Variants in ENOX1 observed in about 807,000 individuals in gnomAD.
ENOX1 encodes ecto-NOX disulfide-thiol exchanger 1, also known as candidate growth-related and time keeping constitutive hydroquinone (NADH) oxidase.
In ENOX1, 42 loss-of-function variants were observed where a neutral mutation model predicts 82.5. The observed-to-expected ratio is 0.51, with a 90% CI of 0.40 to 0.66. ENOX1 has a LOEUF of 0.66. Among genes scored for constraint, ENOX1 ranks in the 30% least tolerant of loss-of-function variants. ENOX1 has a pLI of 0.00. For missense variants in ENOX1, 608 were observed against 811.6 expected, an observed-to-expected ratio of 0.75 and a Z score of 3.05; for synonymous variants, 271 against 282.2, an observed-to-expected ratio of 0.96 and a Z score of 0.40.
At chr13:43,259,763 C>T (rs1387541090) in intron 14 of ENOX1, among the ~76,000 whole-genome samples, 5 of 152,132 alleles carry the variant, frequency 3.3e-5, no homozygotes, top group South Asian at 2.1e-4. Flanking sequence ...TGTGAGCCAC[C>T]GTGCCCGGCC....
At chr13:43,467,114 A>G (rs1438743863) in intron 3 of ENOX1, among the ~76,000 whole-genome samples, 2 of 152,178 alleles carry the variant, frequency 1.3e-5, no homozygotes, top group African/African-American at 4.8e-5. Flanking sequence ...GTGTGAATGT[A>G]TGTTTTCAGT....
At chr13:43,366,466 C>CA (rs2050857207) in intron 5 of ENOX1, among the ~76,000 whole-genome samples, 1 of 152,092 alleles carries the variant, frequency 6.6e-6, no homozygotes, top group Admixed American at 6.6e-5. Context: ...TTAGTAGAGA[C>CA]GGGGTTTCAC....
At chr13:43,428,825 C>A (rs2055484959) in intron 3 of ENOX1, among the ~76,000 whole-genome samples, 1 of 152,092 alleles carries the variant, frequency 6.6e-6, no homozygotes, top group South Asian at 2.1e-4. Flanking sequence ...GTGGGTAAAG[C>A]CACAAGCTGG....
chr13:43,446,535 T>C lies in ENOX1; in HGVS notation c.-74-33547A>G, dbSNP rs372409090. On this transcript the variant is annotated intron_variant, in intron 3 of 16. Transcript: ENST00000690772. ...CTTAAATGCCTACTGGGCTGATGGC[T>C]CTAACTCACCCGCTTGTTAACCTGC... Among the ~76,000 whole-genome samples, 3 of 152,174 alleles carry C rather than the reference T, an allele frequency of 2.0e-5. No individual in the cohort carries two copies. In the South Asian group the frequency reaches 6.2e-4, roughly 32 times the overall value.
At chr13:43,654,271 T>C (rs1342654042) in intron 2 of ENOX1, among the ~76,000 whole-genome samples, 2 of 152,198 alleles carry the variant, frequency 1.3e-5, no homozygotes, top group Non-Finnish European at 2.9e-5. Flanking sequence ...CCTAAGTTTC[T>C]AGCCTGCTAA....
At chr13:43,752,052 G>T (rs1019879812) in intron 1 of ENOX1, among the ~76,000 whole-genome samples, 1 of 152,084 alleles carries the variant, frequency 6.6e-6, no homozygotes, top group African/African-American at 2.4e-5. Context: ...GATATGGTTT[G>T]TTGCTTTAAT....
intron 2 of ENOX1, among the ~76,000 whole-genome samples, chr13:43,500,436 T>G (rs913138383): frequency 2.6e-5 from 4 of 152,076 alleles, no homozygotes; most frequent in African/African-American, 9.7e-5. Context: ...ATATTCAAAG[T>G]GCTGAAAGAG....
rs1458659391 is a variant in ENOX1 at position 43,467,507 on chromosome 13, T to TTTTAAAATTTTAAAA, written c.-75+16487_-75+16501dup. ...TAGTATCTTCTTTGGACAAATGTTA[T>TTTTAAAATTTTAAAA]TTTAAAATTTTAAAATTTTAAATTT... On this transcript the variant is annotated intron_variant, in intron 3 of 16. Transcript: ENST00000690772. Among the ~76,000 whole-genome samples the TTTTAAAATTTTAAAA allele has an allele frequency of 9.6e-3, 1,224 of 127,852 alleles. 13 individuals carry two copies. Among genetic ancestry groups the TTTTAAAATTTTAAAA allele is most frequent in the African/African-American group, 0.032 (1,121 of 35,384 alleles). 83.9% of individuals were successfully genotyped at this position (127,852 alleles called of 152,430 possible). A position where few individuals can be genotyped will look rare whatever the true frequency, so the allele number is the denominator to read the frequency against.
intron 1 of ENOX1, among the ~76,000 whole-genome samples, chr13:43,672,349 T>C (rs2085307814): frequency 6.6e-6 from 1 of 152,228 alleles, no homozygotes; most frequent in South Asian, 2.1e-4. Flanking sequence ...AAATCTCTCC[T>C]ACTTTATTAC....
At chr13:43,685,986 A>G (rs1379610326) in intron 1 of ENOX1, among the ~76,000 whole-genome samples, 1 of 152,086 alleles carries the variant, frequency 6.6e-6, no homozygotes, top group East Asian at 1.9e-4. Context: ...CCAAGGAGTC[A>G]AAAGTCATGT....
intron 2 of ENOX1, among the ~76,000 whole-genome samples, chr13:43,586,925 T>G (rs2081019876): frequency 1.3e-5 from 2 of 148,724 alleles, no homozygotes; most frequent in Non-Finnish European, 1.5e-5. Flanking sequence ...AAAAAAAAAT[T>G]TAGCTGGGCG....
At chr13:43,343,580 T>G (rs1365590863) in intron 9 of ENOX1, among the ~76,000 whole-genome samples, 1 of 152,204 alleles carries the variant, frequency 6.6e-6, no homozygotes, top group African/African-American at 2.4e-5. Context: ...TGCCCTCTCT[T>G]CCATCCTATC....
chr13:43,575,630 TGTG>T (rs1200499198), intron 2 of ENOX1, among the ~76,000 whole-genome samples: 1 of 152,206 alleles, frequency 6.6e-6, no homozygotes, highest in African/African-American at 2.4e-5. Flanking sequence ...GCTTTTATAT[TGTG>T]GTTATTAACA....
At chr13:43,721,798 T>C (rs1302012580) in intron 1 of ENOX1, among the ~76,000 whole-genome samples, 1 of 152,176 alleles carries the variant, frequency 6.6e-6, no homozygotes, top group Non-Finnish European at 1.5e-5. Flanking sequence ...CATCAGTCCC[T>C]GGAGCACAGG....
intron 5 of ENOX1, among the ~76,000 whole-genome samples, chr13:43,369,600 C>T (rs189679023): frequency 4.6e-5 from 7 of 152,346 alleles, no homozygotes; most frequent in Admixed American, 2.0e-4. Flanking sequence ...CAGAAGGATA[C>T]TCTCATGCAA....
chr13:43,464,569 G>C (rs1383150597), intron 3 of ENOX1, among the ~76,000 whole-genome samples: 1 of 152,070 alleles, frequency 6.6e-6, no homozygotes, highest in Non-Finnish European at 1.5e-5. Flanking sequence ...CTTATTATTA[G>C]TGTTTTTGAC....
At chr13:43,229,029 A>ATAAC (rs2042154160) in intron 15 of ENOX1, among the ~76,000 whole-genome samples, 1 of 152,128 alleles carries the variant, frequency 6.6e-6, no homozygotes, top group Non-Finnish European at 1.5e-5. Context: ...CCAGTGGGAG[A>ATAAC]TAACTGAATC....
intron 1 of ENOX1, among the ~76,000 whole-genome samples, chr13:43,754,926 G>A (rs1950564745): frequency 1.3e-5 from 2 of 152,012 alleles, no homozygotes; most frequent in Non-Finnish European, 2.9e-5. Context: ...AACTAAATCT[G>A]CTTCTGTTCT....
At chr13:43,421,860 T>C (rs2054994460) in intron 3 of ENOX1, among the ~76,000 whole-genome samples, 1 of 149,598 alleles carries the variant, frequency 6.7e-6, no homozygotes, top group Non-Finnish European at 1.5e-5. Context: ...ATTTATAAAA[T>C]ATATTTTACG....
Sources: gnomAD v4.1 joint callset for allele counts (sites outside exome capture counted in the v4.1 genomes callset) on GRCh38, gnomAD v4.1.1 for gene constraint, MANE v1.5 for transcripts, NCBI Gene and HGNC (gene_info 2026-07-23, HGNC 2026-07-21) for gene names.